Variants in ELP4 observed in about 807,000 individuals in gnomAD.
ELP4 encodes the protein elongator acetyltransferase complex subunit 4, also known as elongator complex protein 4.
Under a neutral mutation model 48.9 loss-of-function variants are expected in ELP4, and 51 were observed. That is an observed-to-expected ratio of 1.04 (90% CI 0.83 to 1.32). The LOEUF (loss-of-function observed/expected upper bound fraction) is 1.32. ELP4 is among the 40% of genes most tolerant of loss of function. The pLI, the probability that ELP4 is intolerant of heterozygous loss-of-function variation, is 0.00. For synonymous variants in ELP4, 210 were observed against 189.2 expected (o/e 1.11, Z -0.90); for missense variants, 519 against 514.6 (o/e 1.01, Z -0.08).
intron 9 of ELP4, among the ~76,000 whole-genome samples, chr11:31,757,660 A>G (rs1190518909): frequency 6.6e-6 from 1 of 152,186 alleles, no homozygotes; most frequent in Non-Finnish European, 1.5e-5. Flanking sequence ...ATGTGCTCAC[A>G]TGCACACTAA....
intron 2 of ELP4, among the ~76,000 whole-genome samples, chr11:31,524,164 C>T (rs1168831830): frequency 6.6e-6 from 1 of 152,052 alleles, no homozygotes; most frequent in Non-Finnish European, 1.5e-5. Flanking sequence ...AATATTAACA[C>T]AAATTTTACA....
intron 9 of ELP4, among the ~76,000 whole-genome samples, chr11:31,782,086 T>C (rs1424202735): frequency 6.6e-6 from 1 of 152,222 alleles, no homozygotes; most frequent in African/African-American, 2.4e-5. Context: ...TAATAGTATC[T>C]TTTATCCTAG....
At chr11:31,671,427 T>C (rs1457764092) in intron 9 of ELP4, among the ~76,000 whole-genome samples, 3 of 152,160 alleles carry the variant, frequency 2.0e-5, no homozygotes, top group African/African-American at 7.2e-5. Context: ...ACTTAAACCA[T>C]TGAAAGAAAA....
intron 9 of ELP4, among the ~76,000 whole-genome samples, chr11:31,742,411 CCTT>C (rs1279464237): frequency 6.6e-6 from 1 of 152,150 alleles, no homozygotes; most frequent in Non-Finnish European, 1.5e-5. Context: ...CAAAGATACT[CCTT>C]CAGAAGAGCA....
intron 9 of ELP4, among the ~76,000 whole-genome samples, chr11:31,746,759 G>C (rs1399109726): frequency 6.6e-6 from 1 of 151,868 alleles, no homozygotes; most frequent in African/African-American, 2.4e-5. Context: ...GAGGGGGGAG[G>C]GATAGCATTA....
At chr11:31,652,008 C>T (rs535714915) in intron 9 of ELP4, 1 of 151,698 alleles carries the variant, frequency 6.6e-6, no homozygotes, top group Non-Finnish European at 1.5e-5. Flanking sequence ...ACCATCAGAG[C>T]TGATGAAAGA....
chr11:31,525,672 C>T (rs1268862961), intron 2 of ELP4, among the ~76,000 whole-genome samples: 1 of 152,108 alleles, frequency 6.6e-6, no homozygotes, highest in East Asian at 1.9e-4. Context: ...GCTTCAACTA[C>T]CTACTTGGAG....
At chr11:31,771,543 C>G (rs1178006871) in intron 9 of ELP4, among the ~76,000 whole-genome samples, 1 of 152,216 alleles carries the variant, frequency 6.6e-6, no homozygotes. Flanking sequence ...TAGCCACTCC[C>G]CTGCTCATTG....
At chr11:31,559,025 A>G (rs1956974246) in intron 3 of ELP4, among the ~76,000 whole-genome samples, 1 of 152,164 alleles carries the variant, frequency 6.6e-6, no homozygotes, top group Non-Finnish European at 1.5e-5. Context: ...ACTAAAAGAA[A>G]ATACATTTTG....
intron 5 of ELP4, among the ~76,000 whole-genome samples, chr11:31,615,433 A>G (rs1958059137): frequency 1.3e-5 from 2 of 152,084 alleles, no homozygotes; most frequent in Non-Finnish European, 2.9e-5. Flanking sequence ...GGCATAGTAA[A>G]GGGTTAATGA....
intron 1 of ELP4, among the ~76,000 whole-genome samples, chr11:31,519,426 G>C (rs887845003): frequency 3.3e-5 from 5 of 152,180 alleles, no homozygotes; most frequent in Admixed American, 6.5e-5. Flanking sequence ...TTATTAACAA[G>C]TGCTAAATAT....
At chr11:31,600,592 A>G (rs189748453) in intron 4 of ELP4, 1 of 152,302 alleles carries the variant, frequency 6.6e-6, no homozygotes, top group Non-Finnish European at 1.5e-5. Flanking sequence ...TCATGACACA[A>G]TAATAACAAT....
chr11:31,544,282 G>A (rs570308700), intron 3 of ELP4, among the ~76,000 whole-genome samples: 5 of 152,310 alleles, frequency 3.3e-5, no homozygotes, highest in South Asian at 4.1e-4. Flanking sequence ...CTGGAAAATC[G>A]GGTCACTCCC....
chr11:31,531,855 A>G (rs1289525649), intron 2 of ELP4, among the ~76,000 whole-genome samples: 3 of 152,148 alleles, frequency 2.0e-5, no homozygotes, highest in African/African-American at 7.2e-5. Flanking sequence ...TACAGGGACC[A>G]ATTGGGAGGC....
At chr11:31,550,981 G>GC (rs1956840754) in intron 3 of ELP4, among the ~76,000 whole-genome samples, 1 of 152,108 alleles carries the variant, frequency 6.6e-6, no homozygotes, top group Non-Finnish European at 1.5e-5. Context: ...GATCATACTG[G>GC]TAAAACCGTG....
chr11:31,597,984 C>G (rs532823532), intron 4 of ELP4, among the ~76,000 whole-genome samples: 1 of 99,840 alleles, frequency 1.0e-5, no homozygotes, highest in Admixed American at 1.5e-4. Flanking sequence ...GAGATGGAGT[C>G]TTGCTCTGTC....
chr11:31,627,201 A>G lies in ELP4; in HGVS notation c.738+7A>G. The G allele has an allele frequency of 7.0e-7, 1 of 1,419,454 alleles. No individual in the cohort carries two copies. The highest frequency in any genetic ancestry group is 1.5e-5 in the African/African-American group (1 of 65,664). The allele number at this position is 1,419,454 out of a possible 1,614,324, so 87.9% of individuals were successfully genotyped here. A position where few individuals can be genotyped will look rare whatever the true frequency, so the allele number is the denominator to read the frequency against. ...TGATGGATCCAATCCTCAGGTATTA[A>G]ATAGCTTCAAAGTCTTTTATAATTA... is the stretch of plus-strand genomic sequence containing the variant. On this transcript the variant is annotated splice_region_variant and intron_variant, in intron 6 of 9. Transcript: ENST00000640961.
Position 31,785,454 on chromosome 11 carries a change from A to G in ELP4, c.*1930A>G, listed in dbSNP as rs910378898. On this transcript the variant is annotated 3_prime_UTR_variant, in exon 10 of 10. Transcript: ENST00000640961. ...ACCATGTCTATAAAATTAACAGCCA[A>G]TTACTAGTTAATATATGCTTTGCAA... 4 of 186,782 alleles carry G rather than the reference A, an allele frequency of 2.1e-5. No individual in the cohort carries two copies. The highest frequency in any genetic ancestry group is 4.5e-5 in the Non-Finnish European group (4 of 88,462). 11.6% of individuals were successfully genotyped at this position (186,782 alleles called of 1,614,324 possible). A position where few individuals can be genotyped will look rare whatever the true frequency, so the allele number is the denominator to read the frequency against.
chr11:31,537,581 G>A lies in ELP4; in HGVS notation c.260-2081G>A, dbSNP rs114819365. 1.9e-3 allele frequency among the ~76,000 whole-genome samples: 290 copies of A among 152,294 alleles called. 3 individuals carry two copies. The highest frequency in any genetic ancestry group is 6.5e-3 in the African/African-American group (270 of 41,574). On this transcript the variant is annotated intron_variant, in intron 2 of 9. Coordinates refer to ENST00000640961, the MANE Select transcript of ELP4 (RefSeq NM_019040.5). ...TTCTGCAGGCCATACAGGAAGCATG[G>A]CTAGGTTAGAAAACTTAAAAGTCAT...
Sources: allele counts gnomAD v4.1 joint callset (sites outside exome capture counted in the v4.1 genomes callset), GRCh38; gene constraint gnomAD v4.1.1; transcripts MANE v1.5; gene names NCBI Gene and HGNC (gene_info 2026-07-23, HGNC 2026-07-21).